The following RC3H1 variants were observed in gnomAD, a reference collection of about 807,000 sequenced individuals.
RC3H1 encodes ring finger and CCCH-type domains 1, also known as roquin-1.
Under a neutral mutation model 138.2 loss-of-function variants are expected in RC3H1, and 50 were observed. The ratio of observed to expected loss-of-function variants is 0.36; its 90% CI spans 0.29 to 0.46. RC3H1 has a LOEUF of 0.46. RC3H1 is among the 20% of genes least tolerant of loss of function. RC3H1 has a pLI of 1.00. For synonymous variants in RC3H1, 462 were observed against 489.1 expected, an observed-to-expected ratio of 0.94 and a Z score of 0.73; for missense variants, 1,031 against 1,388.1, an observed-to-expected ratio of 0.74 and a Z score of 4.09.
rs1466848994 is a variant in RC3H1 at position 173,963,999 on chromosome 1, G to A, written c.1805C>T (p.Pro602Leu). The A allele has an allele frequency of 6.2e-7, 1 of 1,614,086 alleles. No homozygotes were observed. The change falls in exon 11 of 20, where the codon CCA (proline) becomes CTA (leucine). Residue 602 changes from proline (P) to leucine (L), a missense_variant. By Grantham distance (98) the Pro-to-Leu change is moderately conservative. Coordinates refer to ENST00000367696, the MANE Select transcript of RC3H1 (RefSeq NM_172071.4). ...YYQDPRGAAP[P>L]FEPAPYQQGM... The stretch of plus-strand genomic sequence containing the variant: ...CTGCTGATAAGGTGCTGGTTCAAAT[G>A]GCGGAGCTGCTCCTCGAGGATCCTG...
intron 2 of RC3H1, among the ~76,000 whole-genome samples, chr1:173,992,208 G>C (rs140902141): frequency 0.015 from 2,242 of 152,208 alleles, 64 homozygotes; most frequent in African/African-American, 0.052. Flanking sequence ...AGTGCAGCAC[G>C]ATCTCGGCTC....
chr1:173,980,826 G>A lies in RC3H1; in HGVS notation c.952C>T (p.Gln318Ter). 1 of 1,613,860 alleles carries A rather than the reference G, an allele frequency of 6.2e-7. No homozygotes were observed. Among genetic ancestry groups the A allele is most frequent in the Non-Finnish European group, 8.5e-7 (1 of 1,179,780 alleles). ...GGTCCTACCTTGTCAATAATGGACT[G>A]CATATGAGATTTGTGAGACTGGTCT... ...YGDQSHKSHM[Q>*]SIIDKLQTPA... is the part of the protein sequence containing the mutation. Residue 318 changes from glutamine to a stop codon, truncating the protein, a stop_gained, in exon 6 of 20, where the codon CAG becomes TAG. Coordinates refer to ENST00000367696, the MANE Select transcript of RC3H1 (RefSeq NM_172071.4). LOFTEE classifies it high-confidence loss of function.
At chr1:174,008,760 T>C (rs1038635049) in intron 1 of RC3H1, among the ~76,000 whole-genome samples, 4 of 152,122 alleles carry the variant, frequency 2.6e-5, no homozygotes, top group Admixed American at 6.5e-5. Flanking sequence ...GCAGATCACC[T>C]GAGGTCAGGA....
chr1:174,002,774 T>C (rs1661584010), intron 1 of RC3H1, among the ~76,000 whole-genome samples: 1 of 152,230 alleles, frequency 6.6e-6, no homozygotes, highest in African/African-American at 2.4e-5. Context: ...TGTCCAATGA[T>C]TGGCAAGCCA....
intron 1 of RC3H1, among the ~76,000 whole-genome samples, chr1:174,015,672 T>TTATATA (rs71770714): frequency 6.8e-6 from 1 of 147,940 alleles, no homozygotes. Flanking sequence ...GCCTCATATT[T>TTATATA]TATATATATA....
At chr1:173,943,362 T>A in intron 18 of RC3H1, 80 bp downstream of exon 18, 1 of 1,424,314 alleles carries the variant, frequency 7.0e-7, no homozygotes, top group Non-Finnish European at 9.6e-7. Flanking sequence ...GAAGTGATGA[T>A]TCTGTGCCTC....
In RC3H1 at chr1:173,964,986, G is replaced by A. The variant is rs1376321597; in HGVS notation, c.1469C>T (p.Pro490Leu). Residue 490 changes from proline (P) to leucine (L), a missense_variant, in exon 10 of 20, where the codon CCT (proline) becomes CTT (leucine). By Grantham distance (98) the Pro-to-Leu change is moderately conservative (BLOSUM62 -3). Transcript: ENST00000367696. ...TACAATTCCATTTGGCAGAGCAGGA[G>A]GTTTTCTGCTAGGGAGATCCACTGC... ...EGAVDLPSRK[P>L]PALPNGIVST... is the part of the protein sequence containing the mutation. 1 of 1,614,016 alleles carries A rather than the reference G, an allele frequency of 6.2e-7. No homozygotes were observed. Among genetic ancestry groups the A allele is most frequent in the African/African-American group, 1.3e-5 (1 of 74,902 alleles).
Position 173,936,112 on chromosome 1 carries a change from A to G in RC3H1, c.*2609T>C, listed in dbSNP as rs1428886538. 1 of 152,238 alleles carries G rather than the reference A, an allele frequency of 6.6e-6. No individual in the cohort carries two copies. The highest frequency in any genetic ancestry group is 1.9e-4 in the East Asian group (1 of 5,202). 9.4% of individuals were successfully genotyped at this position (152,238 alleles called of 1,614,324 possible). A position where few individuals can be genotyped will look rare whatever the true frequency, so the allele number is the denominator to read the frequency against. Reference sequence around the variant, plus strand: ...AATCAAAATGGCAAAAGCCAAGAACAAGTGTATTTAAAGGAAATGAGAACA... The same window carrying G: ...AATCAAAATGGCAAAAGCCAAGAACGAGTGTATTTAAAGGAAATGAGAACA... On this transcript the variant is annotated 3_prime_UTR_variant, in exon 20 of 20. Transcript: ENST00000367696.
At chr1:174,021,835 C>T (rs1406200570) in intron 1 of RC3H1, among the ~76,000 whole-genome samples, 1 of 152,240 alleles carries the variant, frequency 6.6e-6, no homozygotes, top group Non-Finnish European at 1.5e-5. Context: ...TCCCTTCGTC[C>T]TCCTCTCGGC....
chr1:173,961,756 T>C lies in RC3H1; in HGVS notation c.2171A>G (p.His724Arg), dbSNP rs1474020185. The change falls in exon 12 of 20, where the codon CAT becomes CGT. Residue 724 changes from histidine (H) to arginine (R), a missense_variant. His to Arg is a conservative substitution (Grantham distance 29). Coordinates refer to ENST00000367696, the MANE Select transcript of RC3H1 (RefSeq NM_172071.4). ...QIESYYPVAP[H>R]PTQIRPSYLR... ...GTACGAAGGTCTGATCTGAGTTGGA[T>C]GAGGAGCCACTGGATAGTAACTCTC... The C allele has an allele frequency of 1.2e-6, 2 of 1,612,556 alleles. No homozygotes were observed. Among genetic ancestry groups the C allele is most frequent in the South Asian group, 2.2e-5 (2 of 91,022 alleles).
chr1:173,991,388 T>C (rs1283176281), intron 2 of RC3H1, among the ~76,000 whole-genome samples: 1 of 152,244 alleles, frequency 6.6e-6, no homozygotes, highest in East Asian at 1.9e-4. Context: ...TAACATTTTC[T>C]ATATATAAGA....
intron 5 of RC3H1, among the ~76,000 whole-genome samples, chr1:173,981,739 C>T (rs1308321700): frequency 6.6e-6 from 1 of 151,872 alleles, no homozygotes; most frequent in Non-Finnish European, 1.5e-5. Flanking sequence ...GGGCTACTAC[C>T]AGAAAGTGTA....
rs1336903456 is a variant in RC3H1 at position 174,022,146 on chromosome 1, C to CGCCACCGCCGCGGCA, written c.-216_-202dup. 6 of 395,978 alleles carry CGCCACCGCCGCGGCA rather than the reference C, an allele frequency of 1.5e-5. No individual in the cohort carries two copies. Among genetic ancestry groups the CGCCACCGCCGCGGCA allele is most frequent in the Non-Finnish European group, 2.7e-5 (6 of 224,850 alleles). The allele number at this position is 395,978 out of a possible 1,614,324, so 24.5% of individuals were successfully genotyped here. ...CTCAGCTCCGAGTCCCCGCGGCCGT[C>CGCCACCGCCGCGGCA]GCCACCGCCGCGGCAGCCGCCGCCG... On this transcript the variant is annotated 5_prime_UTR_variant, in exon 1 of 20. Coordinates refer to ENST00000367696, the MANE Select transcript of RC3H1 (RefSeq NM_172071.4). The surrounding 1 kb of genome is among the most constrained non-coding windows in gnomAD (Gnocchi z 4.2).
rs1658565544 is a variant in RC3H1 at position 173,935,959 on chromosome 1, T to TC, written c.*2761dup. On this transcript the variant is annotated 3_prime_UTR_variant, in exon 20 of 20. Coordinates refer to ENST00000367696, the MANE Select transcript of RC3H1 (RefSeq NM_172071.4). ...AGGTTACAATTAAAGAGATTTTTTT[T>TC]CCCCCAAATGAAAATACATGAAAAG... 6.6e-6 allele frequency: 1 copy of TC among 152,030 alleles called. No individual in the cohort carries two copies. Among genetic ancestry groups the TC allele is most frequent in the Non-Finnish European group, 1.5e-5 (1 of 68,016 alleles). The allele number at this position is 152,030 out of a possible 1,614,324, so 9.4% of individuals were successfully genotyped here.
At chr1:173,940,978 C>A (rs1658831178) in intron 19 of RC3H1, among the ~76,000 whole-genome samples, 1 of 152,062 alleles carries the variant, frequency 6.6e-6, no homozygotes, top group African/African-American at 2.4e-5. Context: ...CATGCCACCA[C>A]ACCAAACTAA....
In RC3H1 at chr1:173,934,712, T is replaced by C. The variant is rs988142960; in HGVS notation, c.*4009A>G. On this transcript the variant is annotated 3_prime_UTR_variant, in exon 20 of 20. Coordinates refer to ENST00000367696, the MANE Select transcript of RC3H1 (RefSeq NM_172071.4). ...AGGCAACTTCACAGAAGTTATTGGC[T>C]AAGCGAATTCATTTGAATGCTCTGT... 1 of 152,186 alleles carries C rather than the reference T, an allele frequency of 6.6e-6. No homozygotes were observed. The highest frequency in any genetic ancestry group is 1.5e-5 in the Non-Finnish European group (1 of 68,030). 9.4% of individuals were successfully genotyped at this position (152,186 alleles called of 1,614,324 possible).
chr1:173,941,805 G>A (rs1182712482), intron 18 of RC3H1, among the ~76,000 whole-genome samples: 1 of 151,780 alleles, frequency 6.6e-6, no homozygotes, highest in East Asian at 1.9e-4. Context: ...GGTGGCACAC[G>A]CCTGTAATCC....
At chr1:173,981,890 A>G (rs7531236) in intron 5 of RC3H1, among the ~76,000 whole-genome samples, 2,311 of 148,762 alleles carry the variant, frequency 0.016, 73 homozygotes, top group African/African-American at 0.055. Context: ...ACAGAGCAAG[A>G]CTGCATCTCA....
chr1:174,000,180 CTT>C (rs1661538253), intron 1 of RC3H1, among the ~76,000 whole-genome samples: 1 of 152,106 alleles, frequency 6.6e-6, no homozygotes, highest in Admixed American at 6.6e-5. Flanking sequence ...TTTTAATAGT[CTT>C]AGTTTTCAAA....
Sources: allele counts gnomAD v4.1 joint callset (sites outside exome capture counted in the v4.1 genomes callset), GRCh38; gene constraint gnomAD v4.1.1; non-coding constraint Gnocchi (gnomAD v3.1); transcripts MANE v1.5; gene names NCBI Gene and HGNC (gene_info 2026-07-23, HGNC 2026-07-21).